Variants in AGBL4 observed in about 807,000 individuals in gnomAD.
AGBL4 encodes cytosolic carboxypeptidase 6.
Under a neutral mutation model 66.4 loss-of-function variants are expected in AGBL4, and 58 were observed. The ratio of observed to expected loss-of-function variants is 0.87; its 90% CI spans 0.71 to 1.09. The LOEUF (loss-of-function observed/expected upper bound fraction) is 1.09. Ranked by LOEUF, AGBL4 falls within the 50% of genes least tolerant of loss-of-function variation. The probability of loss-of-function intolerance (pLI) is 0.00; values close to 1 mark genes in which losing one functional copy is unlikely to be tolerated. For synonymous variants in AGBL4, 234 were observed against 222.9 expected (o/e 1.05, Z -0.44); for missense variants, 579 against 631.0 (o/e 0.92, Z 0.88).
At position 48,867,219 on chromosome 1, in the gene AGBL4, C is replaced by G; in HGVS notation, c.606G>C (p.Lys202Asn). The change falls in exon 6 of 14, where the codon AAG (lysine) becomes AAC (asparagine). Residue 202 changes from lysine to asparagine, a missense_variant. Coordinates refer to ENST00000371839, the MANE Select transcript of AGBL4 (RefSeq NM_032785.4). ...EQLGQSVQQR[K>N]LDLLTITSPD... ...GGCTGGTTATCGTCAGGAGGTCAAGCTTTCGTTGTTGCTGCAAAAGAAAAC... is the reference window on the plus strand; with the variant it reads ...GGCTGGTTATCGTCAGGAGGTCAAGGTTTCGTTGTTGCTGCAAAAGAAAAC... The G allele has an allele frequency of 6.2e-7, 1 of 1,613,554 alleles. No homozygotes were observed. The highest frequency in any genetic ancestry group is 2.2e-5 in the East Asian group (1 of 44,842).
intron 3 of AGBL4, among the ~76,000 whole-genome samples, chr1:49,621,814 C>G (rs181375461): frequency 1.6e-4 from 24 of 152,298 alleles, no homozygotes; most frequent in Non-Finnish European, 2.6e-4. Flanking sequence ...GTGTGGATTT[C>G]ACAGTTTCAG....
chr1:49,340,316 G>A (rs988840580), intron 3 of AGBL4, among the ~76,000 whole-genome samples: 8 of 151,752 alleles, frequency 5.3e-5, no homozygotes, highest in African/African-American at 1.9e-4. Flanking sequence ...AAGAATGTAG[G>A]TCTTTGAGAG....
intron 1 of AGBL4, among the ~76,000 whole-genome samples, chr1:49,966,302 T>TAAAATTA (rs1175776511): frequency 4.6e-5 from 7 of 152,158 alleles, no homozygotes; most frequent in Non-Finnish European, 1.0e-4. Context: ...AAGCAGAGAG[T>TAAAATTA]TATATTGTTA....
At chr1:49,260,157 A>T (rs1652982504) in intron 3 of AGBL4, among the ~76,000 whole-genome samples, 1 of 151,690 alleles carries the variant, frequency 6.6e-6, no homozygotes. Context: ...CATTCAAAGC[A>T]GTGTGTAGAG....
intron 3 of AGBL4, among the ~76,000 whole-genome samples, chr1:49,575,141 C>G (rs1644410959): frequency 6.6e-6 from 1 of 152,144 alleles, no homozygotes; most frequent in Admixed American, 6.5e-5. Flanking sequence ...AATAATCAGA[C>G]ATTTTAGGGA....
intron 5 of AGBL4, among the ~76,000 whole-genome samples, chr1:49,022,430 T>C (rs1557569278): frequency 6.6e-6 from 1 of 152,110 alleles, no homozygotes; most frequent in Non-Finnish European, 1.5e-5. Flanking sequence ...TATAAATTAA[T>C]AGATTTGACA....
intron 8 of AGBL4, among the ~76,000 whole-genome samples, chr1:48,649,740 C>T (rs973686040): frequency 6.6e-6 from 1 of 152,126 alleles, no homozygotes; most frequent in Non-Finnish European, 1.5e-5. Flanking sequence ...CCCTGACCAG[C>T]CTTCCTAGAT....
chr1:49,470,195 T>G (rs138280071), intron 3 of AGBL4, among the ~76,000 whole-genome samples: 1 of 152,078 alleles, frequency 6.6e-6, no homozygotes, highest in East Asian at 1.9e-4. Flanking sequence ...ATTTATTTAA[T>G]CAGGAAATTT....
At chr1:48,575,250 C>G (rs147746098) in intron 11 of AGBL4, among the ~76,000 whole-genome samples, 21 of 152,232 alleles carry the variant, frequency 1.4e-4, no homozygotes, top group South Asian at 1.0e-3. Flanking sequence ...TCTGGCCAGA[C>G]AGTATGATCT....
intron 2 of AGBL4, among the ~76,000 whole-genome samples, chr1:49,723,648 C>T (rs1217945267): frequency 6.6e-6 from 1 of 152,062 alleles, no homozygotes; most frequent in African/African-American, 2.4e-5. Flanking sequence ...CCAGTTTTTC[C>T]AAGATTATTT....
chr1:48,806,628 G>A (rs560475342), intron 6 of AGBL4, among the ~76,000 whole-genome samples: 19 of 152,228 alleles, frequency 1.2e-4, no homozygotes, highest in African/African-American at 4.1e-4. Context: ...CTCTTTCTTT[G>A]TTGTAGAACA....
chr1:49,991,895 G>A (rs1035656032), intron 1 of AGBL4, among the ~76,000 whole-genome samples: 1 of 152,056 alleles, frequency 6.6e-6, no homozygotes, highest in African/African-American at 2.4e-5. Context: ...GCTTAAGCAA[G>A]TTATTATATA....
intron 4 of AGBL4, among the ~76,000 whole-genome samples, chr1:49,166,400 T>G (rs1646634926): frequency 6.6e-6 from 1 of 152,172 alleles, no homozygotes. Context: ...AGGCAAATCA[T>G]GCACTCCAAA....
At chr1:49,417,463 T>C (rs1645451234) in intron 3 of AGBL4, among the ~76,000 whole-genome samples, 1 of 152,008 alleles carries the variant, frequency 6.6e-6, no homozygotes, top group South Asian at 2.1e-4. Context: ...AAAAAGGGCA[T>C]TCATATAAGG....
chr1:49,351,013 G>A (rs1645742354), intron 3 of AGBL4, among the ~76,000 whole-genome samples: 1 of 152,136 alleles, frequency 6.6e-6, no homozygotes, highest in Non-Finnish European at 1.5e-5. Context: ...TTTTTTGGCT[G>A]TCTCATGGAG....
intron 11 of AGBL4, among the ~76,000 whole-genome samples, chr1:48,547,326 G>C (rs1644180154): frequency 6.6e-6 from 1 of 152,158 alleles, no homozygotes; most frequent in Non-Finnish European, 1.5e-5. Flanking sequence ...GGTCCCAGCT[G>C]TACAGAGGCA....
Position 49,674,555 on chromosome 1 carries a change from A to G in AGBL4, c.282+22758T>C, listed in dbSNP as rs374608482. On this transcript the variant is annotated intron_variant, in intron 3 of 13. Transcript: ENST00000371839. ...TTTTTATTAAAGAGAATAAAAGAAT[A>G]TATATAAGAATAAAATACACACACA... Among the ~76,000 whole-genome samples the G allele has an allele frequency of 3.7e-4, 50 of 134,112 alleles. 1 individual carries two copies. The South Asian group carries it at 0.011, about 28-fold the overall frequency. 88.0% of individuals were successfully genotyped at this position (134,112 alleles called of 152,430 possible).
chr1:49,127,249 T>G (rs1645784014), intron 4 of AGBL4, among the ~76,000 whole-genome samples: 1 of 152,100 alleles, frequency 6.6e-6, no homozygotes, highest in Non-Finnish European at 1.5e-5. Context: ...GATGGTGGTT[T>G]TAAATTAAGA....
At chr1:48,877,148 G>A (rs770365051) in intron 5 of AGBL4, among the ~76,000 whole-genome samples, 1 of 152,138 alleles carries the variant, frequency 6.6e-6, no homozygotes, top group African/African-American at 2.4e-5. Context: ...TAGGGTGGAC[G>A]AAGCAGATTT....
Sources: gnomAD v4.1 joint callset for allele counts (sites outside exome capture counted in the v4.1 genomes callset) on GRCh38, gnomAD v4.1.1 for gene constraint, MANE v1.5 for transcripts, NCBI Gene and HGNC (gene_info 2026-07-23, HGNC 2026-07-21) for gene names.